Variants in DDR2 observed in about 807,000 individuals in gnomAD.
The protein encoded by DDR2 is discoidin domain receptor tyrosine kinase 2.
Under a neutral mutation model 94.9 loss-of-function variants are expected in DDR2, and 27 were observed. The observed-to-expected ratio is 0.28, with a 90% CI of 0.21 to 0.39. DDR2 has a LOEUF of 0.39. Among genes scored for constraint, DDR2 ranks in the 10% least tolerant of loss-of-function variants. DDR2 has a pLI of 1.00. For missense variants in DDR2, 783 were observed against 1,076.0 expected, an observed-to-expected ratio of 0.73 and a Z score of 3.81; for synonymous variants, 382 against 377.2, an observed-to-expected ratio of 1.01 and a Z score of -0.15.
At chr1:162,732,376 G>A (rs1364560950) in intron 3 of DDR2, among the ~76,000 whole-genome samples, 1 of 152,142 alleles carries the variant, frequency 6.6e-6, no homozygotes, top group African/African-American at 2.4e-5. Flanking sequence ...TTCTTTAAGT[G>A]GACTACCTTG....
chr1:162,753,337 C>T, intron 4 of DDR2, 140 bp downstream of exon 4: 1 of 758,946 alleles, frequency 1.3e-6, no homozygotes, highest in Non-Finnish European at 2.3e-6. Context: ...AGCAAGTGGG[C>T]CTGTCCTGCT....
chr1:162,745,884 C>T (rs1039796249), intron 3 of DDR2, among the ~76,000 whole-genome samples: 1 of 152,172 alleles, frequency 6.6e-6, no homozygotes, highest in Non-Finnish European at 1.5e-5. Context: ...TTTTGAAATG[C>T]AATCAGTTGT....
Position 162,767,376 on chromosome 1 carries a change from T to C in DDR2, c.1293+17T>C. Reference sequence around the variant, plus strand: ...CTGGAGAAGGTGAGGAGGTGCAGAATGGTCATGATATAAGAAACTGCTCCT... The same window carrying C: ...CTGGAGAAGGTGAGGAGGTGCAGAACGGTCATGATATAAGAAACTGCTCCT... On this transcript the variant is annotated intron_variant, in intron 11 of 17. Transcript: ENST00000367921. 1.2e-6 allele frequency: 2 copies of C among 1,613,432 alleles called. No homozygotes were observed. The highest frequency in any genetic ancestry group is 1.1e-5 in the South Asian group (1 of 91,038).
At chr1:162,670,372 C>G (rs964680746) in intron 2 of DDR2, among the ~76,000 whole-genome samples, 1 of 152,224 alleles carries the variant, frequency 6.6e-6, no homozygotes, top group Non-Finnish European at 1.5e-5. Context: ...TCCCAAGGTA[C>G]TGGGATTACA....
chr1:162,766,088 A>C, intron 10 of DDR2, 25 bp downstream of exon 10: 4 of 1,611,420 alleles, frequency 2.5e-6, no homozygotes, highest in Non-Finnish European at 3.4e-6. Flanking sequence ...TAATTACACA[A>C]ATTAATTTGA....
intron 3 of DDR2, among the ~76,000 whole-genome samples, chr1:162,724,217 G>T (rs1305033004): frequency 6.6e-6 from 1 of 152,162 alleles, no homozygotes; most frequent in Non-Finnish European, 1.5e-5. Flanking sequence ...CCAATCCCAG[G>T]TGACTTCTAC....
intron 1 of DDR2, among the ~76,000 whole-genome samples, chr1:162,641,039 A>C (rs1399501164): frequency 6.6e-6 from 1 of 152,120 alleles, no homozygotes; most frequent in Non-Finnish European, 1.5e-5. Context: ...TACAAACATG[A>C]GCCACTGGAC....
rs1449204864 is a variant in DDR2 at position 162,674,775 on chromosome 1, T to C, written c.-28+19401T>C. 2.0e-5 allele frequency among the ~76,000 whole-genome samples: 3 copies of C among 152,228 alleles called. No homozygotes were observed. The East Asian group carries it at 5.8e-4, about 29-fold the overall frequency. On this transcript the variant is annotated intron_variant, in intron 2 of 17. Transcript: ENST00000367921. ...AGAGATTATTTATTGTTTGCTACAA[T>C]GTTGGATATAGAGTTTCCTCTCTAG...
At chr1:162,739,408 G>A (rs1463088641) in intron 3 of DDR2, among the ~76,000 whole-genome samples, 1 of 152,098 alleles carries the variant, frequency 6.6e-6, no homozygotes, top group African/African-American at 2.4e-5. Context: ...CCAGATTCAA[G>A]CAATTTTCCT....
At position 162,746,252 on chromosome 1, in the gene DDR2, A is replaced by T. The variant is rs187112524; in HGVS notation, c.83-6843A>T. On this transcript the variant is annotated intron_variant, in intron 3 of 17. Coordinates refer to ENST00000367921, the MANE Select transcript of DDR2 (RefSeq NM_006182.4). ...AGCTGTGACAGATGGTACCTGGAAAATCGGGACACTCCCAGCCTAATACTG... is the reference window on the plus strand; with the variant it reads ...AGCTGTGACAGATGGTACCTGGAAATTCGGGACACTCCCAGCCTAATACTG... Among the ~76,000 whole-genome samples, 103 of 152,282 alleles carry T rather than the reference A, an allele frequency of 6.8e-4. 1 individual carries two copies. The highest frequency in any genetic ancestry group is 2.3e-3 in the African/African-American group (96 of 41,560).
intron 2 of DDR2, among the ~76,000 whole-genome samples, chr1:162,659,135 A>C (rs778848485): frequency 8.5e-5 from 13 of 152,236 alleles, no homozygotes; most frequent in Non-Finnish European, 1.9e-4. Flanking sequence ...AAGGGATACA[A>C]ATATAAATAA....
At chr1:162,646,460 T>C (rs1657412364) in intron 1 of DDR2, among the ~76,000 whole-genome samples, 1 of 152,204 alleles carries the variant, frequency 6.6e-6, no homozygotes, top group Admixed American at 6.5e-5. Context: ...AACCTTGTAA[T>C]TGGTGTGAGG....
chr1:162,637,019 C>T (rs572717175), intron 1 of DDR2, among the ~76,000 whole-genome samples: 2 of 151,736 alleles, frequency 1.3e-5, no homozygotes, highest in African/African-American at 4.8e-5. Flanking sequence ...TATTTTTTAT[C>T]TATTAAAAAT....
rs777597551 is a variant in DDR2, at chr1:162,770,411, A to G, written c.1403A>G (p.Asn468Ser). ...TCATCACCTAGTGAACAAGGGTCCA[A>G]CTCGACTTACGATCGCATCTTTCCC... ...RSSSPSEQGS[N>S]STYDRIFPLR... The change falls in exon 12 of 18, where the codon AAC becomes AGC. Residue 468 changes from asparagine (N) to serine (S), a missense_variant. By Grantham distance (46) the Asn-to-Ser change is conservative. Coordinates refer to ENST00000367921, the MANE Select transcript of DDR2 (RefSeq NM_006182.4). 2 of 1,613,892 alleles carry G rather than the reference A, an allele frequency of 1.2e-6. No homozygotes were observed. The highest frequency in any genetic ancestry group is 1.7e-6 in the Non-Finnish European group (2 of 1,179,960).
rs1318503829 is a variant in DDR2 at position 162,741,263 on chromosome 1, G to GTAATGTAATA, written c.83-11828_83-11827insGTAATATAAT. ...ATAATATAGTATAATGTAATGTAAT[G>GTAATGTAATA]TAATATAATATAATATAATATAATA... On this transcript the variant is annotated intron_variant, in intron 3 of 17. Transcript: ENST00000367921. 5.5e-3 allele frequency among the ~76,000 whole-genome samples: 683 copies of GTAATGTAATA among 125,278 alleles called. 7 individuals are homozygous for GTAATGTAATA. The highest frequency in any genetic ancestry group is 0.013 in the African/African-American group (409 of 31,236). 82.2% of individuals were successfully genotyped at this position (125,278 alleles called of 152,430 possible).
chr1:162,677,265 G>A (rs1659177951), intron 2 of DDR2, among the ~76,000 whole-genome samples: 1 of 152,122 alleles, frequency 6.6e-6, no homozygotes, highest in East Asian at 1.9e-4. Context: ...ACCCCAGGGG[G>A]CCACTTCCAA....
intron 3 of DDR2, among the ~76,000 whole-genome samples, chr1:162,738,146 A>G (rs1377941959): frequency 1.4e-5 from 2 of 139,382 alleles, no homozygotes; most frequent in Non-Finnish European, 3.1e-5. Context: ...GTATTCAATT[A>G]GGAAAAGAGG....
At chr1:162,723,345 G>A (rs1324931981) in intron 3 of DDR2, among the ~76,000 whole-genome samples, 1 of 152,110 alleles carries the variant, frequency 6.6e-6, no homozygotes, top group Non-Finnish European at 1.5e-5. Flanking sequence ...TTCCAGCTTG[G>A]GCTGGGACTG....
chr1:162,772,492 G>C, intron 13 of DDR2: 1 of 523,576 alleles, frequency 1.9e-6, no homozygotes, highest in South Asian at 2.1e-5. Context: ...CTAGACTTCA[G>C]ATATCTTGAA....
Sources: allele counts gnomAD v4.1 joint callset (sites outside exome capture counted in the v4.1 genomes callset), GRCh38; gene constraint gnomAD v4.1.1; transcripts MANE v1.5; gene names NCBI Gene and HGNC (gene_info 2026-07-23, HGNC 2026-07-21).